KIAA0232: variants seen among roughly 807,000 people sequenced by gnomAD.
KIAA0232 encodes uncharacterized protein KIAA0232.
KIAA0232 carries 27 observed loss-of-function variants against 122.0 expected under a neutral mutation model. The ratio of observed to expected loss-of-function variants is 0.22; its 90% confidence interval spans 0.16 to 0.31. The LOEUF (loss-of-function observed/expected upper bound fraction) is 0.31. KIAA0232 is among the 10% of genes least tolerant of loss of function. KIAA0232 has a pLI of 1.00. For synonymous variants in KIAA0232, 613 were observed against 587.6 expected (o/e 1.04, Z -0.63); for missense variants, 1,551 against 1,634.2 (o/e 0.95, Z 0.88).
At chr4:6,798,625 C>T (rs552534986) in intron 1 of KIAA0232, among the ~76,000 whole-genome samples, 35 of 152,338 alleles carry the variant, frequency 2.3e-4, no homozygotes, top group Admixed American at 1.1e-3. Flanking sequence ...GATTATCGCT[C>T]ACTGCACCCT....
At chr4:6,840,985 A>T (rs1204255445) in intron 3 of KIAA0232, among the ~76,000 whole-genome samples, 2 of 152,184 alleles carry the variant, frequency 1.3e-5, no homozygotes, top group African/African-American at 4.8e-5. Flanking sequence ...ATTAAGCCTT[A>T]AAAAAACAGC....
At chr4:6,852,996 C>A (rs532216715) in intron 4 of KIAA0232, among the ~76,000 whole-genome samples, 1 of 152,214 alleles carries the variant, frequency 6.6e-6, no homozygotes, top group South Asian at 2.1e-4. Flanking sequence ...GAGTAACAGC[C>A]TTTCCTCTGA....
At chr4:6,877,522 C>T (rs779713554) in intron 9 of KIAA0232, among the ~76,000 whole-genome samples, 5 of 151,990 alleles carry the variant, frequency 3.3e-5, no homozygotes, top group South Asian at 2.1e-4. Flanking sequence ...TTAACTCACA[C>T]GATCACAAGG....
intron 4 of KIAA0232, among the ~76,000 whole-genome samples, chr4:6,850,314 A>T (rs1294984154): frequency 6.6e-6 from 1 of 151,986 alleles, no homozygotes; most frequent in Non-Finnish European, 1.5e-5. Context: ...TTTCCTAATG[A>T]CTTTCCTGGT....
chr4:6,867,991 C>G (rs774113339), intron 7 of KIAA0232, among the ~76,000 whole-genome samples: 2 of 152,194 alleles, frequency 1.3e-5, no homozygotes, highest in Non-Finnish European at 2.9e-5. Context: ...TCATTTCTTC[C>G]TTCCCAGAGA....
chr4:6,859,587 C>T (rs1354112796), intron 6 of KIAA0232, among the ~76,000 whole-genome samples: 1 of 152,190 alleles, frequency 6.6e-6, no homozygotes, highest in Non-Finnish European at 1.5e-5. Flanking sequence ...TACTGGAGTG[C>T]ATTTCACCTA....
chr4:6,801,931 C>T (rs571290228), intron 1 of KIAA0232, among the ~76,000 whole-genome samples: 1 of 152,204 alleles, frequency 6.6e-6, no homozygotes, highest in South Asian at 2.1e-4. Flanking sequence ...AAGTTTGTAT[C>T]CCTCACTGTG....
At chr4:6,814,210 GGTT>G (rs777198894) in intron 2 of KIAA0232, among the ~76,000 whole-genome samples, 41 of 152,092 alleles carry the variant, frequency 2.7e-4, no homozygotes, top group Non-Finnish European at 4.3e-4. Flanking sequence ...AGCAAAGAGA[GGTT>G]GTTGTATTTC....
At chr4:6,839,744 A>G (rs753069346) in intron 3 of KIAA0232, among the ~76,000 whole-genome samples, 3 of 152,160 alleles carry the variant, frequency 2.0e-5, no homozygotes, top group Non-Finnish European at 4.4e-5. Context: ...GGGCATTTCT[A>G]GTTATGTCCT....
intron 2 of KIAA0232, among the ~76,000 whole-genome samples, chr4:6,822,372 G>A (rs1364235925): frequency 1.3e-5 from 2 of 152,154 alleles, no homozygotes; most frequent in Non-Finnish European, 2.9e-5. Context: ...TATTTAATGT[G>A]TGTAAAATTT....
chr4:6,844,636 G>A (rs575803902), intron 4 of KIAA0232, among the ~76,000 whole-genome samples: 2 of 151,890 alleles, frequency 1.3e-5, no homozygotes, highest in African/African-American at 2.4e-5. Flanking sequence ...GGGTTTCACT[G>A]TGTTGGCCAG....
chr4:6,866,363 G>A (rs753131697), intron 7 of KIAA0232: 50 of 254,482 alleles, frequency 2.0e-4, no homozygotes, highest in Non-Finnish European at 2.8e-4. Flanking sequence ...TTGTCTGATA[G>A]TTTAGATGTT....
intron 2 of KIAA0232, among the ~76,000 whole-genome samples, chr4:6,816,891 C>G (rs1007249035): frequency 6.6e-6 from 1 of 152,070 alleles, no homozygotes; most frequent in Non-Finnish European, 1.5e-5. Flanking sequence ...TAAAGTTTTT[C>G]TAATATGCCT....
chr4:6,878,376 C>G (rs951859577), intron 9 of KIAA0232, among the ~76,000 whole-genome samples: 1 of 127,472 alleles, frequency 7.8e-6, no homozygotes, highest in Non-Finnish European at 1.7e-5. Context: ...CTCCATCATT[C>G]ATTCATACAT....
At chr4:6,865,676 C>A (rs567831573) in intron 7 of KIAA0232, among the ~76,000 whole-genome samples, 3 of 152,326 alleles carry the variant, frequency 2.0e-5, no homozygotes, top group African/African-American at 7.2e-5. Context: ...GAGTGTTGCA[C>A]TTCCTCCCAA....
chr4:6,830,566 C>G (rs994281708), intron 3 of KIAA0232, among the ~76,000 whole-genome samples: 2 of 151,856 alleles, frequency 1.3e-5, no homozygotes, highest in African/African-American at 2.4e-5. Context: ...ATTACCATGC[C>G]TGGGTAATTT....
intron 4 of KIAA0232, among the ~76,000 whole-genome samples, chr4:6,854,526 G>T (rs1417788587): frequency 6.6e-6 from 1 of 152,210 alleles, no homozygotes; most frequent in African/African-American, 2.4e-5. Flanking sequence ...CTAGTGGCTG[G>T]CTGTCCATGC....
rs566101260 is a variant in KIAA0232 at position 6,863,861 on chromosome 4, A to G, written c.3479A>G (p.Lys1160Arg). Residue 1160 changes from lysine to arginine, a missense_variant, in exon 7 of 10, where the codon AAA (lysine) becomes AGA (arginine). Physicochemically the swap from Lys to Arg is conservative, Grantham distance 26 (BLOSUM62 2). Coordinates refer to ENST00000307659, the MANE Select transcript of KIAA0232 (RefSeq NM_014743.3). ...AAACCTTTGGAAGAAGATGCAGAGA[A>G]AGAAGGCCATTACTATGGAAAATCA... ...DLKPLEEDAE[K>R]EGHYYGKSEL... The G allele has an allele frequency of 2.5e-6, 4 of 1,614,092 alleles. No homozygotes were observed. The highest frequency in any genetic ancestry group is 1.7e-5 in the Admixed American group (1 of 60,008).
intron 8 of KIAA0232, 144 bp from the exon 9 acceptor site, chr4:6,876,516 C>A (rs1362800742): frequency 4.0e-5 from 23 of 569,096 alleles, no homozygotes; most frequent in Non-Finnish European, 6.8e-5. Context: ...CTTTTAGTGA[C>A]GACTTAAAAC....
Sources: allele counts gnomAD v4.1 joint callset (sites outside exome capture counted in the v4.1 genomes callset), GRCh38; gene constraint gnomAD v4.1.1; transcripts MANE v1.5; gene names NCBI Gene and HGNC (gene_info 2026-07-23, HGNC 2026-07-21).